IL23R: variants seen among roughly 807,000 people sequenced by gnomAD.
The protein encoded by IL23R is interleukin 23 receptor.
Under a neutral mutation model 56.9 loss-of-function variants are expected in IL23R, and 34 were observed. That is an observed-to-expected ratio of 0.60 (90% confidence interval 0.45 to 0.80). IL23R has a LOEUF of 0.80. IL23R is among the 30% of genes least tolerant of loss of function. The pLI, the probability that IL23R is intolerant of heterozygous loss-of-function variation, is 0.00. For missense variants in IL23R, 635 were observed against 730.0 expected, an observed-to-expected ratio of 0.87 and a Z score of 1.50; for synonymous variants, 230 against 249.2, an observed-to-expected ratio of 0.92 and a Z score of 0.73.
In IL23R at chr1:67,240,259, T is replaced by C; in HGVS notation, c.1126T>C (p.Phe376Leu). The C allele has an allele frequency of 6.2e-7, 1 of 1,612,514 alleles. No individual in the cohort carries two copies. The highest frequency in any genetic ancestry group is 8.5e-7 in the Non-Finnish European group (1 of 1,178,646). ...MLSILSLIGI[F>L]NRSFRTGIKR... ...GTCAATTCTTTCTTTGATTGGGATA[T>C]TTAACAGATCATTCCGAACTGGGTA... The change falls in exon 9 of 11, where the codon TTT becomes CTT. Residue 376 changes from phenylalanine (F) to leucine (L), a missense_variant. Coordinates refer to ENST00000347310, the MANE Select transcript of IL23R (RefSeq NM_144701.3).
chr1:67,191,372 G>T (rs1490362830), intron 4 of IL23R, among the ~76,000 whole-genome samples: 1 of 152,038 alleles, frequency 6.6e-6, no homozygotes, highest in Non-Finnish European at 1.5e-5. Context: ...CTATTGCTAT[G>T]GATGAATTAC....
intron 4 of IL23R, among the ~76,000 whole-genome samples, chr1:67,191,541 T>G (rs1282771426): frequency 3.3e-5 from 5 of 152,218 alleles, no homozygotes; most frequent in African/African-American, 4.8e-5. Context: ...CTGTAGCCTT[T>G]GCCCTTTTGA....
chr1:67,261,994 G>A (rs1653216831), downstream of IL23R, among the ~76,000 whole-genome samples: 1 of 152,160 alleles, frequency 6.6e-6, no homozygotes, highest in Non-Finnish European at 1.5e-5. Flanking sequence ...TGGTCCCAAT[G>A]GACTAGAAAT....
chr1:67,158,781 T>G (rs1646791964), intron 1 of IL23R, among the ~76,000 whole-genome samples: 1 of 151,888 alleles, frequency 6.6e-6, no homozygotes, highest in African/African-American at 2.4e-5. Flanking sequence ...AAATCTCATG[T>G]GAAATTGGAG....
At chr1:67,263,182 C>T (rs1391297013), downstream of IL23R, among the ~76,000 whole-genome samples, 14 of 69,932 alleles carry the variant, frequency 2.0e-4, no homozygotes, top group African/African-American at 7.1e-4. Context: ...CAGCCTCAAC[C>T]TCCCAGGCCC....
chr1:67,191,980 A>C lies in IL23R; in HGVS notation c.492-8757A>C, dbSNP rs540000004. On this transcript the variant is annotated intron_variant, in intron 4 of 10. Coordinates refer to ENST00000347310, the MANE Select transcript of IL23R (RefSeq NM_144701.3). ...ATATTTTGTCAGCCTAAAAAAAGAC[A>C]CTAGGGAAGATTATCTTCAAATTTG... Among the ~76,000 whole-genome samples, 6 of 152,270 alleles carry C rather than the reference A, an allele frequency of 3.9e-5. No homozygotes were observed. In the South Asian group the frequency reaches 1.2e-3, roughly 32 times the overall value.
At chr1:67,154,983 T>A (rs1204648293) in intron 1 of IL23R, among the ~76,000 whole-genome samples, 1 of 152,210 alleles carries the variant, frequency 6.6e-6, no homozygotes, top group Non-Finnish European at 1.5e-5. Flanking sequence ...AAGACAGGCC[T>A]GGTGTTAACG....
chr1:67,200,963 G>T, intron 5 of IL23R, 66 bp downstream of exon 5: 2 of 1,510,326 alleles, frequency 1.3e-6, no homozygotes, highest in South Asian at 1.1e-5. Context: ...GTCAAATGAG[G>T]TCTAGATCTG....
intron 6 of IL23R, among the ~76,000 whole-genome samples, chr1:67,214,388 T>C (rs1649692162): frequency 6.6e-6 from 1 of 152,250 alleles, no homozygotes; most frequent in South Asian, 2.1e-4. Context: ...TTGACCTCTT[T>C]CAAACTCTGT....
intron 5 of IL23R, among the ~76,000 whole-genome samples, chr1:67,201,118 T>C (rs895457434): frequency 7.0e-4 from 9 of 12,832 alleles, no homozygotes; most frequent in Admixed American, 1.1e-3. Flanking sequence ...TAAATTGTTG[T>C]ATGTGGCTGG....
At chr1:67,193,137 T>C (rs1039013674) in intron 4 of IL23R, among the ~76,000 whole-genome samples, 1 of 152,226 alleles carries the variant, frequency 6.6e-6, no homozygotes, top group Admixed American at 6.5e-5. Flanking sequence ...GCATGTTACC[T>C]AGAATGCTCT....
chr1:67,151,239 C>A (rs1646726059), intron 1 of IL23R, among the ~76,000 whole-genome samples: 1 of 152,138 alleles, frequency 6.6e-6, no homozygotes. Flanking sequence ...TTGTTGGCTG[C>A]ATAAATGTCT....
At chr1:67,190,445 C>A (rs75902397) in intron 4 of IL23R, among the ~76,000 whole-genome samples, 30 of 145,426 alleles carry the variant, frequency 2.1e-4, no homozygotes, top group South Asian at 8.6e-4. Context: ...AAAAAAAAAC[C>A]AAAAAAAAAA....
Position 67,259,227 on chromosome 1 carries a change from T to G in IL23R, c.*99T>G. Reference sequence around the variant, plus strand: ...GAATTCTGCCTCTTTTTGAAAAAAATGTATTCACATACAAATCTTCACATG... The same window carrying G: ...GAATTCTGCCTCTTTTTGAAAAAAAGGTATTCACATACAAATCTTCACATG... On this transcript the variant is annotated 3_prime_UTR_variant, in exon 11 of 11. Coordinates refer to ENST00000347310, the MANE Select transcript of IL23R (RefSeq NM_144701.3). 8.7e-7 allele frequency: 1 copy of G among 1,143,222 alleles called. No homozygotes were observed. Among genetic ancestry groups the G allele is most frequent in the Non-Finnish European group, 1.3e-6 (1 of 768,486 alleles). 70.8% of individuals were successfully genotyped at this position (1,143,222 alleles called of 1,614,324 possible).
At chr1:67,179,533 G>T (rs1400375284) in intron 3 of IL23R, among the ~76,000 whole-genome samples, 2 of 151,794 alleles carry the variant, frequency 1.3e-5, no homozygotes, top group African/African-American at 4.8e-5. Flanking sequence ...TCTTGCTAGT[G>T]GTCTATCAAT....
At chr1:67,153,840 A>ACTGCAAGCTCCGCCTCC (rs1646749431) in intron 1 of IL23R, among the ~76,000 whole-genome samples, 1 of 151,966 alleles carries the variant, frequency 6.6e-6, no homozygotes, top group Admixed American at 6.6e-5. Flanking sequence ...ATTTCGGCTC[A>ACTGCAAGCTCCGCCTCC]CTGCAAGCTC....
At chr1:67,187,199 C>G (rs1647402011) in intron 4 of IL23R, among the ~76,000 whole-genome samples, 1 of 152,154 alleles carries the variant, frequency 6.6e-6, no homozygotes, top group Admixed American at 6.5e-5. Flanking sequence ...TTCCCAACAA[C>G]AGTGTATAAG....
chr1:67,194,353 C>T (rs1460110108), intron 4 of IL23R, among the ~76,000 whole-genome samples: 3 of 152,098 alleles, frequency 2.0e-5, no homozygotes, highest in African/African-American at 7.2e-5. Context: ...GGCAACCAGC[C>T]CCTACCCTAA....
intron 1 of IL23R, among the ~76,000 whole-genome samples, chr1:67,153,140 T>C (rs560955914): frequency 6.6e-6 from 1 of 152,346 alleles, no homozygotes; most frequent in South Asian, 2.1e-4. Flanking sequence ...CTTGTTGGTC[T>C]ATCCAGGGAT....
Sources: allele counts gnomAD v4.1 joint callset (sites outside exome capture counted in the v4.1 genomes callset), GRCh38; gene constraint gnomAD v4.1.1; transcripts MANE v1.5; gene names NCBI Gene and HGNC (gene_info 2026-07-23, HGNC 2026-07-21).